PLD1: variants seen among roughly 807,000 people sequenced by gnomAD.
PLD1 encodes the protein choline phosphatase 1.
In PLD1, 112 loss-of-function variants were observed where a neutral mutation model predicts 137.1. The observed-to-expected ratio is 0.82, with a 90% confidence interval of 0.70 to 0.96. PLD1 has a LOEUF of 0.96. Among genes scored for constraint, PLD1 ranks in the 40% least tolerant of loss-of-function variants. The probability of loss-of-function intolerance (pLI) is 0.00; values close to 1 mark genes in which losing one functional copy is unlikely to be tolerated. For missense variants in PLD1, 1,321 were observed against 1,342.0 expected (o/e 0.98, Z 0.24); for synonymous variants, 431 against 454.7 (o/e 0.95, Z 0.66).
chr3:171,683,346 A>G (rs886082825), intron 16 of PLD1, among the ~76,000 whole-genome samples: 4 of 151,966 alleles, frequency 2.6e-5, no homozygotes, highest in Non-Finnish European at 5.9e-5. Flanking sequence ...ATGACTTCCT[A>G]TCTCACTCAG....
intron 15 of PLD1, 31 bp from the exon 16 acceptor site, chr3:171,686,829 A>T (rs1560215890): frequency 3.6e-6 from 4 of 1,099,838 alleles, no homozygotes; most frequent in Admixed American, 4.1e-5. Flanking sequence ...TTTACAAAAA[A>T]ATACAAATAT....
At chr3:171,645,868 A>G (rs1736159269) in intron 21 of PLD1, among the ~76,000 whole-genome samples, 1 of 132,464 alleles carries the variant, frequency 7.5e-6, no homozygotes, top group Admixed American at 8.4e-5. Flanking sequence ...TGGGTGACAG[A>G]GCGAGACTCC....
intron 17 of PLD1, among the ~76,000 whole-genome samples, 176 bp from the exon 18 acceptor site, chr3:171,677,009 G>A (rs1462710427): frequency 6.6e-6 from 1 of 152,200 alleles, no homozygotes; most frequent in Non-Finnish European, 1.5e-5. Context: ...CACATTCAGG[G>A]ACATAGTCTC....
intron 1 of PLD1, among the ~76,000 whole-genome samples, chr3:171,779,832 T>C (rs763958876): frequency 6.6e-6 from 1 of 151,764 alleles, no homozygotes; most frequent in Non-Finnish European, 1.5e-5. Flanking sequence ...TTTGGATACA[T>C]AAGTCTGAGA....
Position 171,688,719 on chromosome 3 carries a change from C to A in PLD1, c.1496G>T (p.Ser499Ile). Residue 499 changes from serine (S) to isoleucine (I), a missense_variant, in exon 14 of 27, where the codon AGT (serine) becomes ATT (isoleucine). Ser to Ile is a moderately radical substitution (Grantham distance 142). Transcript: ENST00000351298. ...CGGTCCTGAAGTGACCCGCTTCACA[C>A]TGCCCACGTCTGTGAGTCTGTGCTC... ...DNEHRLTDVG[S>I]VKRVTSGPSL... The A allele has an allele frequency of 3.1e-6, 5 of 1,614,176 alleles. No homozygotes were observed. Among genetic ancestry groups the A allele is most frequent in the South Asian group, 1.1e-5 (1 of 91,088 alleles).
chr3:171,803,242 G>A (rs1723714553), intron 1 of PLD1, among the ~76,000 whole-genome samples: 1 of 152,188 alleles, frequency 6.6e-6, no homozygotes, highest in African/African-American at 2.4e-5. Context: ...AGAGAGATAA[G>A]AACATTGCAT....
At position 171,737,532 on chromosome 3, in the gene PLD1, C is replaced by G. The variant is rs764694399; in HGVS notation, c.288G>C (p.Arg96Ser). 6.2e-7 allele frequency: 1 copy of G among 1,605,476 alleles called. No homozygotes were observed. The highest frequency in any genetic ancestry group is 1.1e-5 in the South Asian group (1 of 88,716). ...LEVERFTSTT[R>S]VPSINLYTIE... ...AGGGTGAGTCCATAAACGCTCTGAC[C>G]CTTGTTGTAGATGTGAAGCGTTCCA... The change falls in exon 3 of 27, where the codon AGG becomes AGC. Residue 96 changes from arginine (R) to serine (S), a missense_variant and splice_region_variant. Transcript: ENST00000351298.
chr3:171,687,699 GAC>G, intron 14 of PLD1, 115 bp from the exon 15 acceptor site: 2 of 679,292 alleles, frequency 2.9e-6, no homozygotes, highest in Middle Eastern at 4.1e-4. Flanking sequence ...TTCTATAACA[GAC>G]ATGCAATAAT....
chr3:171,611,471 AG>A, intron 25 of PLD1: 1 of 409,432 alleles, frequency 2.4e-6, no homozygotes, highest in South Asian at 1.8e-5. Context: ...AGCCCTTGAA[AG>A]TTCTAAATAA....
At chr3:171,609,513 C>T (rs1296457616) in intron 25 of PLD1, among the ~76,000 whole-genome samples, 1 of 109,344 alleles carries the variant, frequency 9.1e-6, no homozygotes, top group Non-Finnish European at 1.9e-5. Flanking sequence ...AGAAAACACA[C>T]ACACACACAC....
chr3:171,757,027 C>T (rs772986167), intron 1 of PLD1, among the ~76,000 whole-genome samples: 7 of 152,010 alleles, frequency 4.6e-5, no homozygotes, highest in Non-Finnish European at 7.4e-5. Flanking sequence ...TTCCTTGATC[C>T]CATGGCAGAA....
chr3:171,622,404 A>G (rs1197429027), intron 23 of PLD1, among the ~76,000 whole-genome samples: 1 of 152,208 alleles, frequency 6.6e-6, no homozygotes, highest in Non-Finnish European at 1.5e-5. Flanking sequence ...TAAGATTAGT[A>G]TACACTAAGA....
intron 6 of PLD1, among the ~76,000 whole-genome samples, chr3:171,727,659 T>C (rs9814325): frequency 7.0e-4 from 107 of 152,232 alleles, no homozygotes; most frequent in African/African-American, 2.4e-3. Flanking sequence ...ACTAGATACA[T>C]GTGAAAGTAG....
chr3:171,743,077 A>T (rs1309799342), intron 1 of PLD1, among the ~76,000 whole-genome samples: 1 of 152,168 alleles, frequency 6.6e-6, no homozygotes, highest in East Asian at 1.9e-4. Flanking sequence ...CTATGAGTGT[A>T]ACCTGGGCAA....
intron 21 of PLD1, among the ~76,000 whole-genome samples, chr3:171,655,088 C>T (rs955277193): frequency 6.6e-6 from 1 of 152,134 alleles, no homozygotes; most frequent in African/African-American, 2.4e-5. Context: ...TGGCAGAGGG[C>T]CTGTATTCTT....
chr3:171,783,498 G>A (rs1050713686), intron 1 of PLD1, among the ~76,000 whole-genome samples: 17 of 152,124 alleles, frequency 1.1e-4, no homozygotes, highest in African/African-American at 3.9e-4. Context: ...AGGAGTGGAC[G>A]TAAAAGTGTT....
At chr3:171,807,608 T>C (rs1297333158) in intron 1 of PLD1, among the ~76,000 whole-genome samples, 2 of 152,166 alleles carry the variant, frequency 1.3e-5, no homozygotes, top group Non-Finnish European at 2.9e-5. Context: ...TAAGAGAACA[T>C]TTATACACTG....
At chr3:171,703,129 TG>T (rs1716383939) in intron 11 of PLD1, among the ~76,000 whole-genome samples, 2 of 151,988 alleles carry the variant, frequency 1.3e-5, no homozygotes, top group African/African-American at 4.8e-5. Flanking sequence ...GCAGAAGAAA[TG>T]ATGAAATTCA....
chr3:171,807,110 C>T (rs1341808915), intron 1 of PLD1, among the ~76,000 whole-genome samples: 1 of 152,072 alleles, frequency 6.6e-6, no homozygotes, highest in Non-Finnish European at 1.5e-5. Context: ...TGTTCAAGAC[C>T]AGCCCTAGCA....
Sources: allele counts gnomAD v4.1 joint callset (sites outside exome capture counted in the v4.1 genomes callset), GRCh38; gene constraint gnomAD v4.1.1; transcripts MANE v1.5; gene names NCBI Gene and HGNC (gene_info 2026-07-23, HGNC 2026-07-21).